BRF1: variants seen among roughly 807,000 people sequenced by gnomAD.
BRF1 encodes transcription factor IIIB 90 kDa subunit.
In BRF1, 59 loss-of-function variants were observed where a neutral mutation model predicts 81.7. The observed-to-expected ratio is 0.72, with a 90% CI of 0.59 to 0.90. The LOEUF is 0.90. Ranked by LOEUF, BRF1 falls within the 40% of genes least tolerant of loss-of-function variation. The pLI is 0.00. For synonymous variants in BRF1, 491 were observed against 395.6 expected (o/e 1.24, Z -2.86); for missense variants, 1,050 against 936.3 (o/e 1.12, Z -1.58).
At chr14:105,299,901 T>C (rs2057913432) in intron 1 of BRF1, among the ~76,000 whole-genome samples, 1 of 152,100 alleles carries the variant, frequency 6.6e-6, no homozygotes, top group African/African-American at 2.4e-5. Flanking sequence ...GAGCTGCAAA[T>C]GAATCCTTTT....
intron 14 of BRF1, among the ~76,000 whole-genome samples, chr14:105,218,544 G>A (rs1489999094): frequency 1.3e-5 from 2 of 152,214 alleles, no homozygotes; most frequent in Non-Finnish European, 2.9e-5. Context: ...GTCACTCAGA[G>A]GCTCAACCAC....
chr14:105,258,524 G>A (rs1297764847), intron 3 of BRF1, among the ~76,000 whole-genome samples: 6 of 146,972 alleles, frequency 4.1e-5, no homozygotes, highest in Non-Finnish European at 8.9e-5. Flanking sequence ...AAGGCCAGGC[G>A]CAGTGGCTCA....
chr14:105,301,788 C>T (rs2058038661), upstream of BRF1, among the ~76,000 whole-genome samples: 1 of 151,810 alleles, frequency 6.6e-6, no homozygotes, highest in Admixed American at 6.5e-5. Context: ...CAAATATCTG[C>T]AGGTGCTGTT....
At chr14:105,286,952 C>T (rs2140479886) in intron 1 of BRF1, among the ~76,000 whole-genome samples, 1 of 152,336 alleles carries the variant, frequency 6.6e-6, no homozygotes, top group East Asian at 1.9e-4. Context: ...TCAGATATCA[C>T]TCCTGCATGG....
At chr14:105,217,372 A>T in intron 15 of BRF1, 172 bp downstream of exon 15, 1 of 1,030,820 alleles carries the variant, frequency 9.7e-7, no homozygotes, top group Non-Finnish European at 1.4e-6. Flanking sequence ...GAGTTGAGAC[A>T]CTGTCAAGGT....
At chr14:105,256,606 C>T in intron 3 of BRF1, 57 bp from the exon 4 acceptor site, 1 of 1,600,262 alleles carries the variant, frequency 6.2e-7, no homozygotes, top group Admixed American at 1.7e-5. Flanking sequence ...TACTCGCCCA[C>T]CTTCAAATGG....
Position 105,265,908 on chromosome 14 carries a change from A to G in BRF1, c.439+6813T>C, listed in dbSNP as rs2056392145. Among the ~76,000 whole-genome samples the G allele has an allele frequency of 2.7e-5, 4 of 150,692 alleles. No individual in the cohort carries two copies. In the South Asian group the frequency reaches 8.5e-4, roughly 32 times the overall value. On this transcript the variant is annotated intron_variant, in intron 3 of 17. Coordinates refer to ENST00000547530, the MANE Select transcript of BRF1 (RefSeq NM_001519.4). ...AGAGCAAGACTCCCTCTCAAAAAAA[A>G]AAAAAAAAAAAAATTAGGTGGGCAT...
intron 5 of BRF1, chr14:105,250,218 C>A: frequency 8.7e-6 from 14 of 1,612,952 alleles, no homozygotes; most frequent in Non-Finnish European, 1.1e-5. Flanking sequence ...GGCCTCGCCC[C>A]GCAGAGGTGC....
chr14:105,281,780 C>T (rs1480786749), intron 2 of BRF1, among the ~76,000 whole-genome samples: 1 of 151,474 alleles, frequency 6.6e-6, no homozygotes, highest in Admixed American at 6.6e-5. Context: ...TATATGATTC[C>T]CACTGTATGA....
At chr14:105,213,505 C>T (rs1890509143) in intron 15 of BRF1, 1 of 151,972 alleles carries the variant, frequency 6.6e-6, no homozygotes, top group African/African-American at 2.4e-5. Flanking sequence ...CTGGAAGAGG[C>T]AGTTTCTTTG....
At chr14:105,211,743 A>C in intron 16 of BRF1, 1 of 377,294 alleles carries the variant, frequency 2.7e-6, no homozygotes, top group Non-Finnish European at 4.9e-6. Flanking sequence ...ACCAGTCCCC[A>C]ACAAGTGACA....
intron 3 of BRF1, among the ~76,000 whole-genome samples, chr14:105,262,145 G>A (rs904248207): frequency 1.4e-4 from 21 of 152,190 alleles, no homozygotes; most frequent in Non-Finnish European, 2.2e-4. Flanking sequence ...CTCAGGCCCC[G>A]CACATGCCTG....
intron 4 of BRF1, among the ~76,000 whole-genome samples, chr14:105,254,751 G>A (rs1470410824): frequency 2.6e-5 from 4 of 151,450 alleles, no homozygotes; most frequent in South Asian, 2.1e-4. Flanking sequence ...TAGTAGAGAC[G>A]GGGTTTCACC....
At chr14:105,212,802 G>A (rs1879517368) in intron 15 of BRF1, 1 of 152,544 alleles carries the variant, frequency 6.6e-6, no homozygotes, top group Admixed American at 6.5e-5. Flanking sequence ...GCGGGGCAGA[G>A]CCCTTCCCTC....
Position 105,210,916 on chromosome 14 carries a change from C to T in BRF1, c.1996+206G>A, listed in dbSNP as rs2141339343. On this transcript the variant is annotated intron_variant, in intron 17 of 17. Transcript: ENST00000547530. This position sits in a 1 kb window ranked among gnomAD's most constrained non-coding sequence, Gnocchi z 4.7. ...TGGGCGGCCCTCGTGGTGGGTACCT[C>T]ACCGTCCCTAGCCTCTCTGACCCTG... 6.6e-6 allele frequency among the ~76,000 whole-genome samples: 1 copy of T among 152,328 alleles called. No homozygotes were observed. The highest frequency in any genetic ancestry group is 2.1e-4 in the South Asian group (1 of 4,828).
At chr14:105,246,371 C>T (rs1355623376) in intron 5 of BRF1, among the ~76,000 whole-genome samples, 1 of 151,982 alleles carries the variant, frequency 6.6e-6, no homozygotes, top group South Asian at 2.1e-4. Context: ...TTAGGATGAC[C>T]ATTATCACAA....
chr14:105,248,178 G>A, intron 5 of BRF1: 1 of 985,498 alleles, frequency 1.0e-6, no homozygotes, highest in Non-Finnish European at 1.2e-6. Context: ...AGCGCTGGCT[G>A]CTGGCGTCCG....
At chr14:105,218,589 G>A (rs1000874476) in intron 14 of BRF1, among the ~76,000 whole-genome samples, 2 of 152,192 alleles carry the variant, frequency 1.3e-5, no homozygotes, top group Non-Finnish European at 1.5e-5. Context: ...GGCACATTCC[G>A]CCAGAGAGTA....
intron 3 of BRF1, among the ~76,000 whole-genome samples, chr14:105,262,385 T>A (rs1461420255): frequency 6.6e-6 from 1 of 152,184 alleles, no homozygotes; most frequent in Non-Finnish European, 1.5e-5. Flanking sequence ...ACCTGCTGGC[T>A]GCCCTTTGTC....
Sources: allele counts gnomAD v4.1 joint callset (sites outside exome capture counted in the v4.1 genomes callset), GRCh38; gene constraint gnomAD v4.1.1; non-coding constraint Gnocchi (gnomAD v3.1); transcripts MANE v1.5; gene names NCBI Gene and HGNC (gene_info 2026-07-23, HGNC 2026-07-21).